The following RBPMS variants were observed in gnomAD, a reference collection of about 807,000 sequenced individuals.
The protein encoded by RBPMS is RNA-binding protein with multiple splicing.
In RBPMS, 7 loss-of-function variants were observed where a neutral mutation model predicts 26.8. The ratio of observed to expected loss-of-function variants is 0.26; its 90% CI spans 0.15 to 0.49. The LOEUF is 0.49. RBPMS is among the 20% of genes least tolerant of loss of function. The pLI, the probability that RBPMS is intolerant of heterozygous loss-of-function variation, is 0.98. For synonymous variants in RBPMS, 96 were observed against 93.3 expected (o/e 1.03, Z -0.17); for missense variants, 186 against 250.0 (o/e 0.74, Z 1.73).
chr8:30,457,221 C>T lies in RBPMS; in HGVS notation c.67-17558C>T, dbSNP rs532577356. On this transcript the variant is annotated intron_variant, in intron 1 of 8. Transcript: ENST00000397323. ...TTTGAGAACAGTTTTGGAAACTGCCCGAGATGTTTGAAATTCACAAAATGG... is the reference window on the plus strand; with the variant it reads ...TTTGAGAACAGTTTTGGAAACTGCCTGAGATGTTTGAAATTCACAAAATGG... Among the ~76,000 whole-genome samples the T allele has an allele frequency of 2.0e-5, 3 of 152,168 alleles. No individual in the cohort carries two copies. The South Asian group carries it at 6.2e-4, about 32-fold the overall frequency.
intron 2 of RBPMS, among the ~76,000 whole-genome samples, chr8:30,477,124 C>T (rs1355111127): frequency 6.6e-6 from 1 of 152,174 alleles, no homozygotes; most frequent in East Asian, 1.9e-4. Context: ...ACGCCATCGG[C>T]TCACTGCAAG....
chr8:30,414,269 T>A (rs1319325571), intron 1 of RBPMS, among the ~76,000 whole-genome samples: 1 of 152,170 alleles, frequency 6.6e-6, no homozygotes, highest in Non-Finnish European at 1.5e-5. Context: ...TTAGAAACAA[T>A]GAACAAATAT....
chr8:30,551,453 C>T (rs184419964), intron 6 of RBPMS, among the ~76,000 whole-genome samples: 1 of 152,346 alleles, frequency 6.6e-6, no homozygotes, highest in Non-Finnish European at 1.5e-5. Flanking sequence ...GCCAGAACAT[C>T]TCAACGTGGG....
At chr8:30,554,797 C>T (rs1231608223) in intron 6 of RBPMS, among the ~76,000 whole-genome samples, 1 of 152,174 alleles carries the variant, frequency 6.6e-6, no homozygotes, top group Non-Finnish European at 1.5e-5. Context: ...TATTTGCTTT[C>T]AGTAGTGACT....
intron 1 of RBPMS, among the ~76,000 whole-genome samples, chr8:30,461,665 G>A (rs571744341): frequency 2.0e-5 from 3 of 152,298 alleles, no homozygotes; most frequent in African/African-American, 7.2e-5. Flanking sequence ...AAAGTGCTGG[G>A]ATTACAGGTG....
intron 5 of RBPMS, among the ~76,000 whole-genome samples, chr8:30,513,632 C>T (rs1585720656): frequency 6.7e-6 from 1 of 149,092 alleles, no homozygotes; most frequent in East Asian, 2.0e-4. Flanking sequence ...ACTCGAATCT[C>T]CTTGGATATC....
At chr8:30,510,172 C>T (rs186767150) in intron 5 of RBPMS, among the ~76,000 whole-genome samples, 11 of 152,226 alleles carry the variant, frequency 7.2e-5, no homozygotes, top group Admixed American at 1.3e-4. Flanking sequence ...GGCACAGATA[C>T]GCTTGCTAGA....
At chr8:30,419,067 G>GA (rs1284042952) in intron 1 of RBPMS, among the ~76,000 whole-genome samples, 23,187 of 112,814 alleles carry the variant, frequency 0.21, 4,945 homozygotes, top group African/African-American at 0.54. Context: ...ATTATCAGTT[G>GA]AAAAAAAAAA....
At chr8:30,570,566 C>CCAGGA (rs1319557012) in intron 8 of RBPMS, 71 bp from the exon 9 acceptor site, 1 of 152,740 alleles carries the variant, frequency 6.5e-6, no homozygotes, top group African/African-American at 2.4e-5. Context: ...CACAGCATCT[C>CCAGGA]CAGGACAAAG....
chr8:30,547,533 C>T, intron 6 of RBPMS: 1 of 1,469,594 alleles, frequency 6.8e-7, no homozygotes, highest in Non-Finnish European at 9.1e-7. Context: ...AAGTAGACTG[C>T]AGCGTTTTGT....
At chr8:30,497,535 G>C (rs1366635010) in intron 4 of RBPMS, among the ~76,000 whole-genome samples, 1 of 152,104 alleles carries the variant, frequency 6.6e-6, no homozygotes, top group Non-Finnish European at 1.5e-5. Context: ...GACAGAGTGA[G>C]ACTCTGTCTC....
chr8:30,393,447 T>TGG (rs1188521932), intron 1 of RBPMS, among the ~76,000 whole-genome samples: 1 of 152,132 alleles, frequency 6.6e-6, no homozygotes, highest in East Asian at 1.9e-4. Context: ...TTGACTTTTT[T>TGG]GGGGAAAAGG....
At chr8:30,564,714 A>T (rs895389681) in intron 7 of RBPMS, 1 of 152,284 alleles carries the variant, frequency 6.6e-6, no homozygotes, top group Non-Finnish European at 1.5e-5. Flanking sequence ...TCCCTGGAAG[A>T]AGTTCAAAGA....
chr8:30,414,307 C>T (rs532036318), intron 1 of RBPMS, among the ~76,000 whole-genome samples: 1 of 152,298 alleles, frequency 6.6e-6, no homozygotes, highest in African/African-American at 2.4e-5. Context: ...CCTCCTGTAT[C>T]TGTGGATGTT....
chr8:30,514,023 A>G (rs1361312113), intron 5 of RBPMS, among the ~76,000 whole-genome samples: 1 of 152,206 alleles, frequency 6.6e-6, no homozygotes, highest in Non-Finnish European at 1.5e-5. Flanking sequence ...CATGTGTAGT[A>G]GTGGACATAA....
intron 1 of RBPMS, among the ~76,000 whole-genome samples, chr8:30,454,664 G>A (rs1306850687): frequency 6.6e-6 from 1 of 152,204 alleles, no homozygotes; most frequent in Non-Finnish European, 1.5e-5. Flanking sequence ...TAGTATTGGA[G>A]TAATCCTTGT....
At chr8:30,389,562 C>G (rs1807535906) in intron 1 of RBPMS, among the ~76,000 whole-genome samples, 1 of 152,248 alleles carries the variant, frequency 6.6e-6, no homozygotes, top group Admixed American at 6.5e-5. Context: ...AAAATGTGTT[C>G]AGGCCCTTTG....
intron 6 of RBPMS, chr8:30,549,401 C>A: frequency 1.0e-6 from 1 of 983,326 alleles, no homozygotes; most frequent in Non-Finnish European, 1.6e-6. Context: ...GACTGCAGAG[C>A]TTGCCTTTGG....
At chr8:30,475,543 G>A (rs960222380) in intron 2 of RBPMS, among the ~76,000 whole-genome samples, 2 of 152,170 alleles carry the variant, frequency 1.3e-5, no homozygotes, top group Non-Finnish European at 2.9e-5. Context: ...TGGTCAGTGT[G>A]GATGTGTTAG....
Sources: gnomAD v4.1 joint callset for allele counts (sites outside exome capture counted in the v4.1 genomes callset) on GRCh38, gnomAD v4.1.1 for gene constraint, MANE v1.5 for transcripts, NCBI Gene and HGNC (gene_info 2026-07-23, HGNC 2026-07-21) for gene names.